VPS35L: variants seen among roughly 807,000 people sequenced by gnomAD.
VPS35L encodes the protein VPS35 endosomal protein sorting factor like, also known as VPS35 endosomal protein-sorting factor-like.
Under a neutral mutation model 133.0 loss-of-function variants are expected in VPS35L, and 83 were observed. The observed-to-expected ratio is 0.62, with a 90% CI of 0.52 to 0.75. The LOEUF (loss-of-function observed/expected upper bound fraction) is 0.75, where lower values mean the gene tolerates loss of function less well. Among genes scored for constraint, VPS35L ranks in the 30% least tolerant of loss-of-function variants. The probability of loss-of-function intolerance (pLI) is 0.00; values close to 1 mark genes in which losing one functional copy is unlikely to be tolerated. For missense variants in VPS35L, 1,083 were observed against 1,206.8 expected, an observed-to-expected ratio of 0.90 and a Z score of 1.52; for synonymous variants, 423 against 449.9, an observed-to-expected ratio of 0.94 and a Z score of 0.76.
In VPS35L at chr16:19,588,183, G is replaced by GTATT. The variant is rs1461603320; in HGVS notation, c.640-3604_640-3603insTTAT. Among the ~76,000 whole-genome samples, 12 of 140,514 alleles carry GTATT rather than the reference G, an allele frequency of 8.5e-5. No homozygotes were observed. The East Asian group carries it at 2.8e-3, about 33-fold the overall frequency. The allele number at this position is 140,514 out of a possible 152,430, so 92.2% of individuals were successfully genotyped here. On this transcript the variant is annotated intron_variant, in intron 7 of 30. Transcript: ENST00000417362. ...AGTATGTATGTATGTATGTATGTAT[G>GTATT]TATGTATTTATTTATTGAGACAGAG...
rs537809139 is a variant in VPS35L at position 19,693,856 on chromosome 16, G to A, written c.2646+2385G>A. Reference sequence around the variant, plus strand: ...CCCAGCTACTGGAGAGGCTGAGGCGGGAATTGAAGGCTGCGGCGGGAACTC... The same window carrying A: ...CCCAGCTACTGGAGAGGCTGAGGCGAGAATTGAAGGCTGCGGCGGGAACTC... On this transcript the variant is annotated intron_variant, in intron 29 of 30. Coordinates refer to ENST00000417362, the MANE Select transcript of VPS35L (RefSeq NM_020314.7). 2.9e-3 allele frequency among the ~76,000 whole-genome samples: 433 copies of A among 151,558 alleles called. 3 individuals are homozygous for A. The highest frequency in any genetic ancestry group is 4.3e-3 in the Non-Finnish European group (294 of 67,898).
chr16:19,625,313 C>T (rs896854464), intron 14 of VPS35L, among the ~76,000 whole-genome samples: 12 of 152,284 alleles, frequency 7.9e-5, no homozygotes, highest in Middle Eastern at 3.4e-3. Flanking sequence ...GAGGTAAGAT[C>T]GTGAGTGCAA....
At chr16:19,700,103 AAAG>A (rs1976065600) in intron 30 of VPS35L, among the ~76,000 whole-genome samples, 1 of 152,202 alleles carries the variant, frequency 6.6e-6, no homozygotes, top group African/African-American at 2.4e-5. Flanking sequence ...TCTCCAAAAC[AAAG>A]AACAAAAGCA....
intron 26 of VPS35L, among the ~76,000 whole-genome samples, 159 bp from the exon 27 acceptor site, chr16:19,669,001 G>C (rs1974785611): frequency 6.6e-6 from 1 of 152,194 alleles, no homozygotes; most frequent in Non-Finnish European, 1.5e-5. Flanking sequence ...TATTCCTCCA[G>C]CTCCATCATG....
At position 19,585,575 on chromosome 16, in the gene VPS35L, A is replaced by T. The variant is rs190477995; in HGVS notation, c.639+3922A>T. Among the ~76,000 whole-genome samples the T allele has an allele frequency of 6.5e-3, 962 of 148,352 alleles. 16 individuals are homozygous for T. The highest frequency in any genetic ancestry group is 0.021 in the African/African-American group (833 of 40,418). On this transcript the variant is annotated intron_variant, in intron 7 of 30. Coordinates refer to ENST00000417362, the MANE Select transcript of VPS35L (RefSeq NM_020314.7). Reference sequence around the variant, plus strand: ...CACAACCATGCCCAGTTTATTTAAAATTTTTTTTTTGTAGAGACAGGGCCA... The same window carrying T: ...CACAACCATGCCCAGTTTATTTAAATTTTTTTTTTTGTAGAGACAGGGCCA...
chr16:19,627,739 C>T lies in VPS35L; in HGVS notation c.1317C>T (p.Phe439=), dbSNP rs755728153. 1 of 1,614,108 alleles carries T rather than the reference C, an allele frequency of 6.2e-7. No individual in the cohort carries two copies. The highest frequency in any genetic ancestry group is 1.1e-5 in the South Asian group (1 of 91,080). ...TGATGTCTGCCTTCCGGGCTGAGTT[C>T]ATCGCCACAAGGTCTATGGATTTCA... is the stretch of plus-strand genomic sequence containing the variant. ...NSVMSAFRAE[F]IATRSMDFIG... is the part of the protein sequence containing the mutation. The change falls in exon 16 of 31, where the codon TTC becomes TTT. Residue 439 remains phenylalanine (F), a synonymous_variant. Coordinates refer to ENST00000417362, the MANE Select transcript of VPS35L (RefSeq NM_020314.7).
At chr16:19,658,445 G>A (rs1048166525) in intron 26 of VPS35L, among the ~76,000 whole-genome samples, 3 of 152,098 alleles carry the variant, frequency 2.0e-5, no homozygotes, top group African/African-American at 7.2e-5. Context: ...CAGGAGAATC[G>A]CTTGAGCCTG....
chr16:19,594,596 A>C (rs917285325), intron 8 of VPS35L, among the ~76,000 whole-genome samples: 5 of 129,648 alleles, frequency 3.9e-5, no homozygotes, highest in Non-Finnish European at 6.3e-5. Flanking sequence ...GCGAGCTGAG[A>C]TCGCGCTGCT....
intron 2 of VPS35L, among the ~76,000 whole-genome samples, chr16:19,567,988 A>G (rs1971241056): frequency 6.7e-6 from 1 of 149,834 alleles, no homozygotes; most frequent in Non-Finnish European, 1.5e-5. Flanking sequence ...AAAAAAAAAG[A>G]CATCTTCACT....
At chr16:19,683,425 A>G (rs561865948) in intron 28 of VPS35L, among the ~76,000 whole-genome samples, 1 of 152,348 alleles carries the variant, frequency 6.6e-6, no homozygotes, top group East Asian at 1.9e-4. Context: ...CCCAATAGGT[A>G]GTTTTTCAGC....
rs549746108 is a variant in VPS35L at position 19,613,091 on chromosome 16, A to G, written c.1023+2676A>G. ...CGAGGCGGGCAGATCACTTGAGGTCAGGAGTTCAAGACCAACCTGGCCAAC... is the reference window on the plus strand; with the variant it reads ...CGAGGCGGGCAGATCACTTGAGGTCGGGAGTTCAAGACCAACCTGGCCAAC... On this transcript the variant is annotated intron_variant, in intron 12 of 30. Transcript: ENST00000417362. 1.0e-3 allele frequency among the ~76,000 whole-genome samples: 155 copies of G among 152,240 alleles called. 1 individual carries two copies. Among genetic ancestry groups the G allele is most frequent in the Non-Finnish European group, 1.9e-3 (130 of 68,040 alleles).
chr16:19,615,138 A>G (rs749300339), intron 12 of VPS35L, among the ~76,000 whole-genome samples: 3 of 152,202 alleles, frequency 2.0e-5, no homozygotes, highest in Admixed American at 6.5e-5. Context: ...TTGGTCTAAT[A>G]AGTACAACCC....
intron 25 of VPS35L, among the ~76,000 whole-genome samples, chr16:19,650,697 C>A (rs1356140404): frequency 6.6e-6 from 1 of 151,972 alleles, no homozygotes; most frequent in Admixed American, 6.6e-5. Flanking sequence ...GGTGAATGAG[C>A]GATGGATCTG....
At chr16:19,607,124 T>C (rs1480545259) in intron 9 of VPS35L, among the ~76,000 whole-genome samples, 2 of 152,204 alleles carry the variant, frequency 1.3e-5, no homozygotes, top group East Asian at 3.8e-4. Flanking sequence ...CCTTAAGATG[T>C]ATGTCAAGTC....
At chr16:19,578,477 T>C (rs1971607771) in intron 5 of VPS35L, 6 of 365,342 alleles carry the variant, frequency 1.6e-5, no homozygotes, top group South Asian at 1.1e-4. Context: ...TCGCCCTGCC[T>C]TGTGGCTGGC....
intron 2 of VPS35L, among the ~76,000 whole-genome samples, chr16:19,566,698 G>A (rs1029969665): frequency 1.3e-5 from 2 of 152,118 alleles, no homozygotes; most frequent in Non-Finnish European, 2.9e-5. Context: ...AGCCGGATTG[G>A]TTACAGTTCA....
intron 26 of VPS35L, among the ~76,000 whole-genome samples, chr16:19,667,011 C>G (rs1225985560): frequency 8.7e-6 from 1 of 114,432 alleles, no homozygotes; most frequent in Non-Finnish European, 1.9e-5. Flanking sequence ...TGAGACAGAG[C>G]ATTGCTCTGT....
intron 8 of VPS35L, among the ~76,000 whole-genome samples, chr16:19,600,626 A>G (rs994866083): frequency 6.6e-6 from 1 of 152,198 alleles, no homozygotes; most frequent in Non-Finnish European, 1.5e-5. Flanking sequence ...TACTAGGAAT[A>G]TGTCAGTGAA....
chr16:19,573,772 C>T (rs1010696863), intron 4 of VPS35L, among the ~76,000 whole-genome samples: 3 of 151,966 alleles, frequency 2.0e-5, no homozygotes, highest in African/African-American at 7.3e-5. Flanking sequence ...GAGATCACGC[C>T]ACTGCACTCC....
Sources: gnomAD v4.1 joint callset for allele counts (sites outside exome capture counted in the v4.1 genomes callset) on GRCh38, gnomAD v4.1.1 for gene constraint, MANE v1.5 for transcripts, NCBI Gene and HGNC (gene_info 2026-07-23, HGNC 2026-07-21) for gene names.